SUMF1: variants seen among roughly 807,000 people sequenced by gnomAD.
SUMF1 encodes formylglycine-generating enzyme.
Under a neutral mutation model 47.6 loss-of-function variants are expected in SUMF1, and 48 were observed. That is an observed-to-expected ratio of 1.01 (90% CI 0.80 to 1.28). SUMF1 has a LOEUF of 1.28. Among genes scored for constraint, SUMF1 ranks in the 50% most tolerant of loss-of-function variants. SUMF1 has a pLI of 0.00. For missense variants in SUMF1, 571 were observed against 485.4 expected (o/e 1.18, Z -1.66); for synonymous variants, 230 against 192.1 (o/e 1.20, Z -1.63).
chr3:4,126,389 T>C (rs1693655272), intron 8 of SUMF1, among the ~76,000 whole-genome samples: 1 of 152,154 alleles, frequency 6.6e-6, no homozygotes, highest in Non-Finnish European at 1.5e-5. Context: ...TCATTAGGAC[T>C]TCCTTCCTTA....
intron 8 of SUMF1, among the ~76,000 whole-genome samples, chr3:4,288,067 G>T (rs1483536509): frequency 6.6e-6 from 1 of 151,972 alleles, no homozygotes; most frequent in Non-Finnish European, 1.5e-5. Context: ...ACCCCAGAGA[G>T]TTCAGGCACC....
intron 8 of SUMF1, among the ~76,000 whole-genome samples, chr3:4,162,905 T>TAAAA (rs35485011): frequency 1.4e-5 from 2 of 143,396 alleles, no homozygotes; most frequent in African/African-American, 5.1e-5. Flanking sequence ...GCCTCCCTCA[T>TAAAA]AAAAAAAAAA....
chr3:4,180,699 C>CACACACACACACACACACACACACAA (rs557048834), intron 8 of SUMF1, among the ~76,000 whole-genome samples: 2 of 151,400 alleles, frequency 1.3e-5, no homozygotes, highest in African/African-American at 4.9e-5. Context: ...CACACACACA[C>CACACACACACACACACACACACACAA]AAAATTAGCC....
At chr3:4,453,276 T>G (rs1437327969) in intron 1 of SUMF1, among the ~76,000 whole-genome samples, 1 of 152,186 alleles carries the variant, frequency 6.6e-6, no homozygotes, top group African/African-American at 2.4e-5. Flanking sequence ...AAACCACTAC[T>G]TGATACAAAT....
At chr3:4,245,905 G>A (rs547713791) in intron 8 of SUMF1, among the ~76,000 whole-genome samples, 13 of 152,272 alleles carry the variant, frequency 8.5e-5, no homozygotes, top group African/African-American at 2.6e-4. Context: ...CACCCAGTTC[G>A]AGCTTCCCTG....
intron 8 of SUMF1, among the ~76,000 whole-genome samples, chr3:4,292,464 A>G (rs955118167): frequency 6.6e-6 from 1 of 152,240 alleles, no homozygotes; most frequent in African/African-American, 2.4e-5. Context: ...TTAAATTTCA[A>G]CTAACCTAAA....
intron 8 of SUMF1, chr3:4,317,251 A>G: frequency 6.6e-7 from 1 of 1,522,110 alleles, no homozygotes. Context: ...GATTAATAAA[A>G]ATGCGTTGAG....
At chr3:4,390,454 G>A (rs1429922187) in intron 7 of SUMF1, among the ~76,000 whole-genome samples, 1 of 152,278 alleles carries the variant, frequency 6.6e-6, no homozygotes, top group Middle Eastern at 3.4e-3. Context: ...TTTCTGTATT[G>A]TTAGACTGCC....
chr3:4,366,784 G>A (rs977214647), intron 8 of SUMF1, among the ~76,000 whole-genome samples: 2 of 116,144 alleles, frequency 1.7e-5, no homozygotes, highest in Non-Finnish European at 3.5e-5. Context: ...TGGAGGAGGA[G>A]AGGCGCTCTG....
At chr3:4,220,178 T>C (rs1019833852) in intron 8 of SUMF1, among the ~76,000 whole-genome samples, 1 of 152,158 alleles carries the variant, frequency 6.6e-6, no homozygotes, top group Non-Finnish European at 1.5e-5. Flanking sequence ...AGAGGCCAAG[T>C]TAATTCTGTG....
chr3:4,464,584 A>C (rs2079894581), intron 1 of SUMF1, among the ~76,000 whole-genome samples: 1 of 152,236 alleles, frequency 6.6e-6, no homozygotes, highest in Non-Finnish European at 1.5e-5. Context: ...CCAAATAAAC[A>C]GAAAACAAAG....
chr3:4,059,921 C>A (rs981145266), intron 9 of SUMF1, among the ~76,000 whole-genome samples: 2 of 151,832 alleles, frequency 1.3e-5, no homozygotes, highest in African/African-American at 4.8e-5. Flanking sequence ...ACTGTATATG[C>A]AAAGGTCCTG....
intron 3 of SUMF1, among the ~76,000 whole-genome samples, chr3:4,429,265 C>T (rs535540695): frequency 2.0e-5 from 3 of 152,334 alleles, no homozygotes; most frequent in South Asian, 2.1e-4. Context: ...AAGACATCTG[C>T]GTGTACACCC....
Position 4,152,910 on chromosome 3 carries a change from G to C in SUMF1, c.1015-84165C>G, listed in dbSNP as rs1337581267. On this transcript the variant is annotated intron_variant and NMD_transcript_variant, in intron 8 of 12. Transcript: ENST00000448413. ...TTTCAGAATACCTTATACATCCCTAGTCTCTCTCCCTGGCAGAGATATTTG... is the reference window on the plus strand; with the variant it reads ...TTTCAGAATACCTTATACATCCCTACTCTCTCTCCCTGGCAGAGATATTTG... Among the ~76,000 whole-genome samples the C allele has an allele frequency of 2.6e-5, 4 of 151,454 alleles. 1 individual carries two copies. The highest frequency in any genetic ancestry group is 9.8e-5 in the African/African-American group (4 of 40,764).
intron 8 of SUMF1, among the ~76,000 whole-genome samples, chr3:4,335,272 T>C (rs1037841703): frequency 1.3e-5 from 2 of 152,194 alleles, no homozygotes; most frequent in African/African-American, 4.8e-5. Flanking sequence ...TGAAAGATGA[T>C]GCCCAAACTT....
chr3:4,287,806 C>T (rs1234697090), intron 8 of SUMF1, among the ~76,000 whole-genome samples: 2 of 152,180 alleles, frequency 1.3e-5, no homozygotes, highest in Non-Finnish European at 2.9e-5. Context: ...GTTAGTTCTG[C>T]ATTAGCTAGT....
At chr3:4,384,786 T>C (rs1700618050) in intron 7 of SUMF1, among the ~76,000 whole-genome samples, 1 of 152,228 alleles carries the variant, frequency 6.6e-6, no homozygotes, top group Non-Finnish European at 1.5e-5. Context: ...ATAAAGATGC[T>C]ATGTACAGGT....
At chr3:4,267,622 A>G (rs1330378773) in intron 8 of SUMF1, among the ~76,000 whole-genome samples, 5 of 152,030 alleles carry the variant, frequency 3.3e-5, no homozygotes, top group African/African-American at 4.8e-5. Flanking sequence ...GCAGCCAAAA[A>G]ACACATGAAA....
chr3:4,150,024 T>C (rs925010452), intron 8 of SUMF1, among the ~76,000 whole-genome samples: 4 of 152,186 alleles, frequency 2.6e-5, no homozygotes, highest in African/African-American at 9.7e-5. Flanking sequence ...AAACAAAGTT[T>C]AGTGAATTCT....
Sources: gnomAD v4.1 joint callset for allele counts (sites outside exome capture counted in the v4.1 genomes callset) on GRCh38, gnomAD v4.1.1 for gene constraint, MANE v1.5 for transcripts, NCBI Gene and HGNC (gene_info 2026-07-23, HGNC 2026-07-21) for gene names.